The following FBXO31 variants were observed in gnomAD, a reference collection of about 807,000 sequenced individuals.
FBXO31 encodes F-box protein 31.
In FBXO31, 24 loss-of-function variants were observed where a neutral mutation model predicts 54.4. That is an observed-to-expected ratio of 0.44 (90% CI 0.32 to 0.62). FBXO31 has a LOEUF of 0.62. Among genes scored for constraint, FBXO31 ranks in the 20% least tolerant of loss-of-function variants. The probability of loss-of-function intolerance (pLI) is 0.05; values close to 1 mark genes in which losing one functional copy is unlikely to be tolerated. For missense variants in FBXO31, 665 were observed against 787.1 expected, an observed-to-expected ratio of 0.84 and a Z score of 1.86; for synonymous variants, 388 against 335.6, an observed-to-expected ratio of 1.16 and a Z score of -1.71.
rs953300375 is a variant in FBXO31, at chr16:87,327,921, A to G, written c.*3367T>C. ...AACCAGAATAGAAACATCCTAAAAG[A>G]GCCTAGCTGCTTTCTGCAGCACCTT... On this transcript the variant is annotated 3_prime_UTR_variant, in exon 9 of 9. Transcript: ENST00000311635. 6.6e-6 allele frequency: 1 copy of G among 152,176 alleles called. No individual in the cohort carries two copies. Among genetic ancestry groups the G allele is most frequent in the Non-Finnish European group, 1.5e-5 (1 of 68,048 alleles). 9.4% of individuals were successfully genotyped at this position (152,176 alleles called of 1,614,324 possible). A position where few individuals can be genotyped will look rare whatever the true frequency, so the allele number is the denominator to read the frequency against.
upstream of FBXO31, among the ~76,000 whole-genome samples, chr16:87,387,730 C>A (rs1049224613): frequency 6.6e-6 from 1 of 152,118 alleles, no homozygotes; most frequent in Non-Finnish European, 1.5e-5. Context: ...TGGTGTGAAC[C>A]CGGGAGGCGG....
chr16:87,380,296 C>CAAAA lies in FBXO31; in HGVS notation c.340+3105_340+3108dup, dbSNP rs71156230. On this transcript the variant is annotated intron_variant, in intron 1 of 8. Transcript: ENST00000311635. ...CTGGTGACAGAGCGAGACTCCGTCT[C>CAAAA]AAAAAAAAAAAAAAAAAAAGACAAA... Among the ~76,000 whole-genome samples the CAAAA allele has an allele frequency of 8.2e-5, 8 of 97,782 alleles. No individual in the cohort carries two copies. In the South Asian group the frequency reaches 1.9e-3, roughly 24 times the overall value. The allele number at this position is 97,782 out of a possible 152,430, so 64.1% of individuals were successfully genotyped here. A position where few individuals can be genotyped will look rare whatever the true frequency, so the allele number is the denominator to read the frequency against.
chr16:87,375,688 G>A (rs1004351072), intron 1 of FBXO31, among the ~76,000 whole-genome samples: 4 of 152,086 alleles, frequency 2.6e-5, no homozygotes, highest in East Asian at 1.9e-4. Context: ...GCCAGAGGCC[G>A]AGGGCGACAC....
Position 87,331,347 on chromosome 16 carries a change from C to T in FBXO31, c.1561G>A (p.Ala521Thr). 6.2e-7 allele frequency: 1 copy of T among 1,614,002 alleles called. No homozygotes were observed. The highest frequency in any genetic ancestry group is 8.5e-7 in the Non-Finnish European group (1 of 1,180,032). The change falls in exon 9 of 9, where the codon GCG becomes ACG. Residue 521 changes from alanine (A) to threonine (T), a missense_variant. This residue lies in a region of FBXO31 where 71 missense variants were observed against 105.8 expected (regional missense o/e 0.67). Transcript: ENST00000311635. ...RVQATFRNADAPSPQAFDEML... is the reference protein window; with the variant it reads ...RVQATFRNADTPSPQAFDEML... ...TCATCGAAGGCCTGTGGGGACGGCGCATCTGCGTTCCGGAAGGTGGCCTGG... is the reference window on the plus strand; with the variant it reads ...TCATCGAAGGCCTGTGGGGACGGCGTATCTGCGTTCCGGAAGGTGGCCTGG...
chr16:87,369,617 A>G (rs1906512147), intron 1 of FBXO31, among the ~76,000 whole-genome samples: 1 of 152,230 alleles, frequency 6.6e-6, no homozygotes, highest in Non-Finnish European at 1.5e-5. Context: ...GCTACTGTGA[A>G]TAAAACTGCT....
chr16:87,339,765 G>A (rs777016792), intron 5 of FBXO31, among the ~76,000 whole-genome samples: 12 of 152,224 alleles, frequency 7.9e-5, no homozygotes, highest in Non-Finnish European at 1.8e-4. Context: ...GGAAATAGCT[G>A]CTTCTAGAGT....
chr16:87,341,405 C>T (rs1031704625), intron 5 of FBXO31, among the ~76,000 whole-genome samples: 6 of 152,118 alleles, frequency 3.9e-5, no homozygotes, highest in Admixed American at 6.5e-5. Context: ...CCTGTAATCC[C>T]GGCACTTTGG....
intron 1 of FBXO31, among the ~76,000 whole-genome samples, chr16:87,382,408 G>A (rs1168397719): frequency 6.6e-6 from 1 of 152,120 alleles, no homozygotes; most frequent in African/African-American, 2.4e-5. Context: ...TTTCTAACCT[G>A]TCCTTTTTAC....
At chr16:87,344,089 C>A (rs1193356933) in intron 3 of FBXO31, among the ~76,000 whole-genome samples, 3 of 152,242 alleles carry the variant, frequency 2.0e-5, no homozygotes, top group Admixed American at 2.0e-4. Context: ...CTGAGCTGAA[C>A]AAATTGCCAT....
At chr16:87,352,980 G>A (rs892142252) in intron 2 of FBXO31, among the ~76,000 whole-genome samples, 2 of 152,196 alleles carry the variant, frequency 1.3e-5, no homozygotes. Flanking sequence ...AGACCGGCGG[G>A]GATGGAGATT....
In FBXO31 at chr16:87,336,416, T is replaced by G. The variant is rs1186913387; in HGVS notation, c.733-152A>C. The G allele has an allele frequency of 1.5e-6, 1 of 668,606 alleles. No homozygotes were observed. Among genetic ancestry groups the G allele is most frequent in the Non-Finnish European group, 2.6e-6 (1 of 388,060 alleles). The allele number at this position is 668,606 out of a possible 1,614,324, so 41.4% of individuals were successfully genotyped here. ...TGGTGGGGGAGGATGGACTTGGCGC[T>G]GGGAAGAGAAAGGGGAGCTGCCGGA... is the stretch of plus-strand genomic sequence containing the variant. On this transcript the variant is annotated intron_variant, in intron 5 of 8. Coordinates refer to ENST00000311635, the MANE Select transcript of FBXO31 (RefSeq NM_024735.5). This position sits in a 1 kb window ranked among gnomAD's most constrained non-coding sequence, Gnocchi z 6.5.
At position 87,336,879 on chromosome 16, in the gene FBXO31, T is replaced by C. The variant is rs8047558; in HGVS notation, c.733-615A>G. On this transcript the variant is annotated intron_variant, in intron 5 of 8. Coordinates refer to ENST00000311635, the MANE Select transcript of FBXO31 (RefSeq NM_024735.5). The surrounding 1 kb of genome is among the most constrained non-coding windows in gnomAD (Gnocchi z 6.5). The stretch of plus-strand genomic sequence containing the variant: ...ATCACATGGTGCTGAGGATATTTCG[T>C]GCTTAATGGTTTGATTCTACACAAT... Among the ~76,000 whole-genome samples, 306 of 152,348 alleles carry C rather than the reference T, an allele frequency of 2.0e-3. No homozygotes were observed. The highest frequency in any genetic ancestry group is 6.6e-3 in the African/African-American group (273 of 41,582).
At chr16:87,364,725 T>C (rs1906280503) in intron 1 of FBXO31, among the ~76,000 whole-genome samples, 1 of 151,940 alleles carries the variant, frequency 6.6e-6, no homozygotes, top group African/African-American at 2.4e-5. Context: ...TAGTTTCACT[T>C]TGCAGATTAC....
chr16:87,353,436 T>C (rs531895826), intron 2 of FBXO31, among the ~76,000 whole-genome samples: 18 of 152,282 alleles, frequency 1.2e-4, no homozygotes, highest in Admixed American at 1.1e-3. Context: ...GTAATCAAGA[T>C]GTAATGTAGC....
intron 1 of FBXO31, among the ~76,000 whole-genome samples, chr16:87,361,147 G>A (rs1039820167): frequency 1.3e-5 from 2 of 152,212 alleles, no homozygotes; most frequent in Non-Finnish European, 2.9e-5. Context: ...AGCTGCTACT[G>A]GCAACACCTG....
chr16:87,386,756 G>C (rs1444358121), upstream of FBXO31, among the ~76,000 whole-genome samples: 1 of 152,158 alleles, frequency 6.6e-6, no homozygotes, highest in African/African-American at 2.4e-5. Context: ...TAGTATTTGA[G>C]ACATGTAACT....
At chr16:87,374,317 G>A (rs935737544) in intron 1 of FBXO31, among the ~76,000 whole-genome samples, 3 of 151,918 alleles carry the variant, frequency 2.0e-5, no homozygotes, top group African/African-American at 4.8e-5. Context: ...CCTAACCTAC[G>A]GAACATCACA....
At chr16:87,347,388 G>T in intron 2 of FBXO31, 138 bp from the exon 3 acceptor site, 5 of 742,228 alleles carry the variant, frequency 6.7e-6, no homozygotes, top group Admixed American at 2.0e-5. Flanking sequence ...TGCACACCAA[G>T]CCTCTAAAGA....
Position 87,331,794 on chromosome 16 carries a change from C to G in FBXO31, c.1398-284G>C, listed in dbSNP as rs552207366. Among the ~76,000 whole-genome samples the G allele has an allele frequency of 2.0e-3, 309 of 152,334 alleles. 1 individual carries two copies. The highest frequency in any genetic ancestry group is 4.6e-3 in the South Asian group (22 of 4,834). On this transcript the variant is annotated intron_variant, in intron 8 of 8. Transcript: ENST00000311635. ...GGGGGATGGGCGCTGACTCGCAGCACCCGTGAGGGATTCACCCACTGACTG... is the reference window on the plus strand; with the variant it reads ...GGGGGATGGGCGCTGACTCGCAGCAGCCGTGAGGGATTCACCCACTGACTG...
Sources: allele counts gnomAD v4.1 joint callset (sites outside exome capture counted in the v4.1 genomes callset), GRCh38; gene constraint gnomAD v4.1.1; regional missense constraint gnomAD v4.1.1; non-coding constraint Gnocchi (gnomAD v3.1); transcripts MANE v1.5; gene names NCBI Gene and HGNC (gene_info 2026-07-23, HGNC 2026-07-21).